TOP2B: variants seen among roughly 807,000 people sequenced by gnomAD.
The protein encoded by TOP2B is DNA topoisomerase 2-beta.
TOP2B carries 51 observed loss-of-function variants against 193.5 expected under a neutral mutation model. That is an observed-to-expected ratio of 0.26 (90% CI 0.21 to 0.33). TOP2B has a LOEUF of 0.33. TOP2B is among the 10% of genes least tolerant of loss of function. The pLI, the probability that TOP2B is intolerant of heterozygous loss-of-function variation, is 1.00. For synonymous variants in TOP2B, 634 were observed against 635.7 expected (o/e 1.00, Z 0.04); for missense variants, 1,378 against 1,909.3 (o/e 0.72, Z 5.19).
Position 25,619,208 on chromosome 3 carries a change from G to A in TOP2B, c.3064-359C>T, listed in dbSNP as rs117295035. Among the ~76,000 whole-genome samples, 135 of 152,062 alleles carry A rather than the reference G, an allele frequency of 8.9e-4. 2 individuals carry two copies. In the East Asian group the frequency reaches 0.018, roughly 20 times the overall value. On this transcript the variant is annotated intron_variant, in intron 23 of 35. Transcript: ENST00000264331. ...ATATTCTATTGCTAAGTTTAAAAAT[G>A]TTCAAGTTTTTCCTCCCCCATATAT...
chr3:25,625,765 T>G (rs1053960315), intron 18 of TOP2B, among the ~76,000 whole-genome samples: 3 of 152,212 alleles, frequency 2.0e-5, no homozygotes, highest in Non-Finnish European at 4.4e-5. Flanking sequence ...ATGCTATCAC[T>G]GTAATCATAC....
intron 30 of TOP2B, 150 bp from the exon 31 acceptor site, chr3:25,607,525 A>G: frequency 8.9e-7 from 1 of 1,125,188 alleles, no homozygotes; most frequent in Non-Finnish European, 1.2e-6. Flanking sequence ...ATAAAAGCCA[A>G]CAACTTTGGC....
At chr3:25,646,374 C>T (rs541979586) in intron 1 of TOP2B, among the ~76,000 whole-genome samples, 15 of 152,080 alleles carry the variant, frequency 9.9e-5, no homozygotes, top group Admixed American at 2.6e-4. Context: ...AATACTGATC[C>T]CAGTTTCTCT....
intron 1 of TOP2B, among the ~76,000 whole-genome samples, chr3:25,648,559 T>C (rs565826847): frequency 6.6e-6 from 1 of 152,166 alleles, no homozygotes; most frequent in South Asian, 2.1e-4. Flanking sequence ...CGATTCAATG[T>C]AAAAAACTAA....
intron 7 of TOP2B, among the ~76,000 whole-genome samples, chr3:25,634,759 C>A (rs1480193643): frequency 2.2e-5 from 3 of 138,122 alleles, no homozygotes; most frequent in African/African-American, 5.5e-5. Flanking sequence ...GGAAATCAAC[C>A]CAGATCTATC....
In TOP2B at chr3:25,628,817, T is replaced by A. The variant is rs760192705; in HGVS notation, c.1906+30A>T. On this transcript the variant is annotated intron_variant, in intron 15 of 35. Coordinates refer to ENST00000264331, the MANE Select transcript of TOP2B (RefSeq NM_001330700.2). ...TCATAAGAATACATTTATATCAGTA[T>A]TTAAAATCTAAGTATTTTAAAATAC... The A allele has an allele frequency of 2.8e-5, 37 of 1,311,036 alleles. 1 individual carries two copies. The South Asian group carries it at 4.2e-4, about 15-fold the overall frequency. 81.2% of individuals were successfully genotyped at this position (1,311,036 alleles called of 1,614,324 possible).
intron 23 of TOP2B, 54 bp downstream of exon 23, chr3:25,619,808 T>A: frequency 7.9e-7 from 1 of 1,260,532 alleles, no homozygotes; most frequent in Non-Finnish European, 1.1e-6. Flanking sequence ...ATTATAATAA[T>A]CCGACTTATA....
chr3:25,650,119 ATT>A (rs2125402500), intron 1 of TOP2B, among the ~76,000 whole-genome samples: 1 of 152,350 alleles, frequency 6.6e-6, no homozygotes, highest in East Asian at 1.9e-4. Context: ...ATGCCTAATT[ATT>A]TATCATCAAA....
intron 33 of TOP2B, among the ~76,000 whole-genome samples, chr3:25,603,556 A>T (rs911462229): frequency 6.6e-6 from 1 of 152,032 alleles, no homozygotes; most frequent in Non-Finnish European, 1.5e-5. Context: ...TTGTTTTTTT[A>T]AAAAAGAGAA....
chr3:25,651,594 G>A (rs531730556), intron 1 of TOP2B, among the ~76,000 whole-genome samples: 18 of 152,146 alleles, frequency 1.2e-4, no homozygotes, highest in South Asian at 2.1e-4. Flanking sequence ...GGCCAGGAGC[G>A]GTGGCTCACA....
intron 4 of TOP2B, among the ~76,000 whole-genome samples, chr3:25,639,224 G>A (rs935236820): frequency 6.6e-6 from 1 of 152,124 alleles, no homozygotes; most frequent in Non-Finnish European, 1.5e-5. Context: ...TTTTTTGAAA[G>A]CTACAGTTTT....
chr3:25,630,256 T>C (rs1702918185), intron 12 of TOP2B, 56 bp downstream of exon 12: 2 of 1,527,250 alleles, frequency 1.3e-6, no homozygotes, highest in Admixed American at 2.1e-5. Flanking sequence ...GTATTAGAAA[T>C]GTCATATGTA....
intron 4 of TOP2B, among the ~76,000 whole-genome samples, chr3:25,641,038 T>C (rs1280135591): frequency 6.6e-6 from 1 of 152,196 alleles, no homozygotes; most frequent in Non-Finnish European, 1.5e-5. Context: ...TGACTCAGCC[T>C]CCCAAAGTGC....
chr3:25,612,475 T>C, intron 28 of TOP2B, 40 bp downstream of exon 28: 1 of 1,459,812 alleles, frequency 6.9e-7, no homozygotes, highest in Non-Finnish European at 9.2e-7. Flanking sequence ...TATATTTCAT[T>C]ATAGAAATGA....
intron 1 of TOP2B, among the ~76,000 whole-genome samples, chr3:25,663,169 C>T (rs1001125447): frequency 6.6e-6 from 1 of 152,184 alleles, no homozygotes; most frequent in African/African-American, 2.4e-5. Context: ...GTCAGTAGCA[C>T]CCTTTTTATA....
chr3:25,621,634 T>C (rs1207234259), intron 21 of TOP2B, among the ~76,000 whole-genome samples: 4 of 152,030 alleles, frequency 2.6e-5, no homozygotes, highest in Admixed American at 6.5e-5. Flanking sequence ...GCTGGGATTA[T>C]AGACATGAGT....
intron 32 of TOP2B, 65 bp downstream of exon 32, chr3:25,605,978 A>G: frequency 2.2e-6 from 2 of 897,438 alleles, no homozygotes; most frequent in Non-Finnish European, 3.1e-6. Flanking sequence ...CGATTTATTT[A>G]CTGTTTTCTC....
chr3:25,664,119 T>G (rs1477183441), intron 1 of TOP2B, 110 bp downstream of exon 1: 2 of 1,487,802 alleles, frequency 1.3e-6, no homozygotes, highest in Non-Finnish European at 1.8e-6. Context: ...GGAGCGCCCG[T>G]TCGGGGGACG....
intron 3 of TOP2B, among the ~76,000 whole-genome samples, chr3:25,643,080 G>A (rs76490431): frequency 0.038 from 5,793 of 152,222 alleles, 146 homozygotes; most frequent in Non-Finnish European, 0.053. Context: ...AACAGAAGAA[G>A]TTCTGAGACC....
Sources: allele counts gnomAD v4.1 joint callset (sites outside exome capture counted in the v4.1 genomes callset), GRCh38; gene constraint gnomAD v4.1.1; transcripts MANE v1.5; gene names NCBI Gene and HGNC (gene_info 2026-07-23, HGNC 2026-07-21).